The following ABCD2 variants were observed in gnomAD, a reference collection of about 807,000 sequenced individuals.
The protein encoded by ABCD2 is ATP binding cassette subfamily D member 2, also known as ATP-binding cassette sub-family D member 2.
Under a neutral mutation model 70.9 loss-of-function variants are expected in ABCD2, and 36 were observed. That is an observed-to-expected ratio of 0.51 (90% CI 0.39 to 0.67). The LOEUF is 0.67. Among genes scored for constraint, ABCD2 ranks in the 30% least tolerant of loss-of-function variants. ABCD2 has a pLI of 0.00. For missense variants in ABCD2, 729 were observed against 890.2 expected (o/e 0.82, Z 2.30); for synonymous variants, 304 against 306.9 (o/e 0.99, Z 0.10).
rs1941126977 is a variant in ABCD2, at chr12:39,554,100, C to T, written c.2035G>A (p.Gly679Ser). ...TGTTCAAAGCGCCAACCTCCTTCAC[C>T]ATCAAACTGTAATAAATGTGTGTGG... ...KYHTHLLQFD[G>S]EGGWRFEQLD... The change falls in exon 10 of 10, where the codon GGT (glycine) becomes AGT (serine). Residue 679 changes from glycine (G) to serine (S), a missense_variant. By Grantham distance (56) the Gly-to-Ser change is moderately conservative. Coordinates refer to ENST00000308666, the MANE Select transcript of ABCD2 (RefSeq NM_005164.4). 1 of 1,613,392 alleles carries T rather than the reference C, an allele frequency of 6.2e-7. No individual in the cohort carries two copies. The highest frequency in any genetic ancestry group is 8.5e-7 in the Non-Finnish European group (1 of 1,179,684).
At position 39,619,223 on chromosome 12, in the gene ABCD2, G is replaced by A. The variant is rs757970892; in HGVS notation, c.393C>T (p.Ile131=). The change falls in exon 1 of 10, where the codon ATC becomes ATT. Residue 131 remains isoleucine, a synonymous_variant. Coordinates refer to ENST00000308666, the MANE Select transcript of ABCD2 (RefSeq NM_005164.4). ...SIYVAGLDGK[I]VKSIVEKKPR... is the part of the protein sequence containing the mutation. ...GCTTCTTTTCCACAATGCTTTTCAC[G>A]ATTTTTCCATCCAGACCAGCCACAT... 3.7e-6 allele frequency: 6 copies of A among 1,614,022 alleles called. No homozygotes were observed. Among genetic ancestry groups the A allele is most frequent in the African/African-American group, 1.3e-5 (1 of 74,990 alleles).
At chr12:39,609,533 A>T (rs957755398) in intron 2 of ABCD2, among the ~76,000 whole-genome samples, 1 of 152,124 alleles carries the variant, frequency 6.6e-6, no homozygotes, top group East Asian at 1.9e-4. Context: ...TTAGTATTCA[A>T]AATTACATTC....
intron 6 of ABCD2, among the ~76,000 whole-genome samples, chr12:39,591,240 G>C (rs541502306): frequency 7.2e-5 from 11 of 152,180 alleles, no homozygotes; most frequent in Admixed American, 5.9e-4. Flanking sequence ...GAAAGAACTA[G>C]ATTTGAGTCA....
chr12:39,601,389 A>T (rs1941894494), intron 5 of ABCD2, among the ~76,000 whole-genome samples: 1 of 146,620 alleles, frequency 6.8e-6, no homozygotes, highest in South Asian at 2.1e-4. Context: ...TATGTGAATA[A>T]TATATATATA....
chr12:39,565,977 G>A lies in ABCD2; in HGVS notation c.2003+7739C>T, dbSNP rs549109791. ...ACCAGCCTTGCATCCCAGGGATGAA[G>A]CCCACTTGATCATGGTGGATAAGCT... On this transcript the variant is annotated intron_variant, in intron 9 of 9. Transcript: ENST00000308666. Among the ~76,000 whole-genome samples the A allele has an allele frequency of 4.6e-5, 7 of 152,276 alleles. No individual in the cohort carries two copies. The East Asian group carries it at 7.7e-4, about 17-fold the overall frequency.
the ABCD2 span, among the ~76,000 whole-genome samples, chr12:39,544,466 G>T: frequency 6.6e-6 from 1 of 152,120 alleles, no homozygotes; most frequent in African/African-American, 2.4e-5. Flanking sequence ...TTTGGGAAAG[G>T]GCTGTTACTG....
chr12:39,608,533 C>A (rs187432943), intron 2 of ABCD2, among the ~76,000 whole-genome samples: 2 of 151,608 alleles, frequency 1.3e-5, no homozygotes, highest in East Asian at 1.9e-4. Flanking sequence ...CCAAAAAAAA[C>A]GAAGATTAGC....
intron 9 of ABCD2, among the ~76,000 whole-genome samples, chr12:39,566,700 C>G (rs949606203): frequency 2.0e-5 from 3 of 152,140 alleles, no homozygotes; most frequent in Admixed American, 1.3e-4. Flanking sequence ...TCTTGCTCCT[C>G]TATTTCTTTT....
At chr12:39,555,096 T>C (rs1364720806) in intron 9 of ABCD2, among the ~76,000 whole-genome samples, 2 of 152,142 alleles carry the variant, frequency 1.3e-5, no homozygotes, top group African/African-American at 4.8e-5. Flanking sequence ...ATTCGATGAT[T>C]CTTAGCATAC....
chr12:39,616,871 C>T, intron 2 of ABCD2, 117 bp downstream of exon 2: 3 of 898,470 alleles, frequency 3.3e-6, no homozygotes, highest in Non-Finnish European at 3.2e-6. Flanking sequence ...TTGTTTCGGA[C>T]CATTGTTAAC....
At chr12:39,571,664 A>G (rs1941450717) in intron 9 of ABCD2, among the ~76,000 whole-genome samples, 1 of 152,228 alleles carries the variant, frequency 6.6e-6, no homozygotes, top group Admixed American at 6.5e-5. Context: ...ACAAGCTGAG[A>G]TAATATTTCA....
intron 5 of ABCD2, among the ~76,000 whole-genome samples, chr12:39,601,566 A>G (rs1465875897): frequency 6.6e-6 from 1 of 152,106 alleles, no homozygotes; most frequent in Non-Finnish European, 1.5e-5. Flanking sequence ...ATTGTGAACA[A>G]CAATCAACAG....
chr12:39,615,782 T>G (rs1942107120), intron 2 of ABCD2, among the ~76,000 whole-genome samples: 1 of 152,162 alleles, frequency 6.6e-6, no homozygotes. Context: ...TTATAATTAT[T>G]GTTTTTATTA....
intron 9 of ABCD2, among the ~76,000 whole-genome samples, chr12:39,573,254 TC>T (rs1940210975): frequency 6.6e-6 from 1 of 152,108 alleles, no homozygotes; most frequent in Non-Finnish European, 1.5e-5. Context: ...AGCTCATTTT[TC>T]TTTAAACCAA....
intron 9 of ABCD2, among the ~76,000 whole-genome samples, chr12:39,563,005 G>A (rs1941283205): frequency 1.3e-5 from 2 of 152,056 alleles, no homozygotes; most frequent in African/African-American, 2.4e-5. Context: ...AAGAAAGGTT[G>A]AACATATGCA....
chr12:39,571,991 A>C (rs943651380), intron 9 of ABCD2, among the ~76,000 whole-genome samples: 2 of 152,212 alleles, frequency 1.3e-5, no homozygotes, highest in African/African-American at 4.8e-5. Context: ...GAAATGGCAA[A>C]GCTAAATAAA....
At chr12:39,605,700 A>G (rs1941960602) in intron 3 of ABCD2, among the ~76,000 whole-genome samples, 1 of 152,064 alleles carries the variant, frequency 6.6e-6, no homozygotes, top group African/African-American at 2.4e-5. Flanking sequence ...CTGAAAGGTG[A>G]CTCATTTCCT....
chr12:39,555,951 C>T (rs1029434294), intron 9 of ABCD2, among the ~76,000 whole-genome samples: 3 of 152,198 alleles, frequency 2.0e-5, no homozygotes, highest in East Asian at 1.9e-4. Context: ...CATCCACCAT[C>T]GTCCTGGGCT....
At chr12:39,570,695 A>C (rs2120584747) in intron 9 of ABCD2, among the ~76,000 whole-genome samples, 1 of 152,340 alleles carries the variant, frequency 6.6e-6, no homozygotes, top group South Asian at 2.1e-4. Flanking sequence ...AAATTTGGGC[A>C]ACGAGTTTTG....
Sources: gnomAD v4.1 joint callset for allele counts (sites outside exome capture counted in the v4.1 genomes callset) on GRCh38, gnomAD v4.1.1 for gene constraint, MANE v1.5 for transcripts, NCBI Gene and HGNC (gene_info 2026-07-23, HGNC 2026-07-21) for gene names.